The following RGS6 variants were observed in gnomAD, a reference collection of about 807,000 sequenced individuals.
RGS6 encodes regulator of G protein signaling 6, also known as regulator of G-protein signaling 6.
A neutral mutation model predicts 78.5 loss-of-function variants in RGS6; 30 were observed. That is an observed-to-expected ratio of 0.38 (90% CI 0.29 to 0.52). The LOEUF is 0.52. Among genes scored for constraint, RGS6 ranks in the 20% least tolerant of loss-of-function variants. The probability of loss-of-function intolerance (pLI) is 0.85; values close to 1 mark genes in which losing one functional copy is unlikely to be tolerated. For synonymous variants in RGS6, 206 were observed against 206.0 expected (o/e 1.00, Z 0.00); for missense variants, 495 against 609.7 (o/e 0.81, Z 1.98).
At chr14:72,435,312 T>A (rs781505742) in intron 3 of RGS6, among the ~76,000 whole-genome samples, 5 of 152,196 alleles carry the variant, frequency 3.3e-5, no homozygotes, top group Non-Finnish European at 7.4e-5. Context: ...GTAATAGCCC[T>A]GCAAAGCAAT....
In RGS6 at chr14:72,518,688, C is replaced by T. The variant is rs8009343; in HGVS notation, c.1278+151C>T. 0.15 allele frequency: 105,530 copies of T among 709,948 alleles called. 10,215 individuals are homozygous for T. Among genetic ancestry groups the T allele is most frequent in the African/African-American group, 0.37 (20,804 of 55,616 alleles). 44.0% of individuals were successfully genotyped at this position (709,948 alleles called of 1,614,324 possible). A position where few individuals can be genotyped will look rare whatever the true frequency, so the allele number is the denominator to read the frequency against. On this transcript the variant is annotated intron_variant, in intron 15 of 17. Coordinates refer to ENST00000553525, the MANE Select transcript of RGS6 (RefSeq NM_001204424.2). ...ATCAGTGGAAACCATTTCAGATAGG[C>T]GCACAGCAAAATCCCAGGATCGTTT...
intron 2 of RGS6, among the ~76,000 whole-genome samples, chr14:72,122,568 A>G (rs2096075590): frequency 6.6e-6 from 1 of 152,036 alleles, no homozygotes; most frequent in Non-Finnish European, 1.5e-5. Flanking sequence ...TAATGTTCCC[A>G]TCTCTCCCTA....
At chr14:72,393,842 T>C (rs1375411068) in intron 3 of RGS6, among the ~76,000 whole-genome samples, 1 of 152,188 alleles carries the variant, frequency 6.6e-6, no homozygotes, top group Non-Finnish European at 1.5e-5. Context: ...CATTGTTCAG[T>C]GGAATGCATT....
At chr14:72,263,978 A>G (rs939997357) in intron 2 of RGS6, among the ~76,000 whole-genome samples, 1 of 152,192 alleles carries the variant, frequency 6.6e-6, no homozygotes, top group Non-Finnish European at 1.5e-5. Flanking sequence ...TCGTATACAC[A>G]CTGTTTACTG....
At chr14:71,895,121 A>G in the RGS6 span, among the ~76,000 whole-genome samples, 1 of 152,080 alleles carries the variant, frequency 6.6e-6, no homozygotes. Context: ...ACTAACTTAG[A>G]TATTTCTTAA....
intron 2 of RGS6, among the ~76,000 whole-genome samples, chr14:71,983,372 ATC>A (rs1371226685): frequency 1.3e-5 from 2 of 152,250 alleles, no homozygotes; most frequent in Non-Finnish European, 2.9e-5. Flanking sequence ...AGTAACTTGT[ATC>A]TGTCAGTATG....
At chr14:71,868,017 A>C in the RGS6 span, among the ~76,000 whole-genome samples, 2 of 152,230 alleles carry the variant, frequency 1.3e-5, no homozygotes, top group Admixed American at 6.5e-5. Flanking sequence ...ATCCATATCC[A>C]GATGAGAGAA....
chr14:71,999,552 G>A (rs953922476), intron 2 of RGS6, among the ~76,000 whole-genome samples: 9 of 152,288 alleles, frequency 5.9e-5, no homozygotes, highest in East Asian at 5.8e-4. Flanking sequence ...CTCAAATCTC[G>A]TGTCAAATCA....
the RGS6 span, among the ~76,000 whole-genome samples, chr14:71,897,665 C>T: frequency 1.7e-4 from 25 of 149,534 alleles, no homozygotes; most frequent in African/African-American, 4.3e-4. Context: ...GGATTACAGG[C>T]GCCCACCACC....
chr14:71,935,547 G>T (rs768983804), intron 1 of RGS6, among the ~76,000 whole-genome samples: 6 of 152,136 alleles, frequency 3.9e-5, no homozygotes, highest in Admixed American at 2.0e-4. Flanking sequence ...TTTTCAAAAA[G>T]AGTAGGTTCT....
chr14:72,508,405 A>C (rs377413447), intron 13 of RGS6, among the ~76,000 whole-genome samples: 1 of 152,160 alleles, frequency 6.6e-6, no homozygotes, highest in Non-Finnish European at 1.5e-5. Context: ...CATCAGTCAC[A>C]CTAGCCAGTT....
intron 2 of RGS6, among the ~76,000 whole-genome samples, chr14:72,218,194 G>A (rs1390076045): frequency 1.3e-5 from 2 of 152,160 alleles, no homozygotes; most frequent in Non-Finnish European, 2.9e-5. Flanking sequence ...GATGATAGAT[G>A]AGCAGAAATG....
Position 72,522,269 on chromosome 14 carries a change from C to T in RGS6, c.1278+3732C>T, listed in dbSNP as rs186864999. On this transcript the variant is annotated intron_variant, in intron 15 of 17. Coordinates refer to ENST00000553525, the MANE Select transcript of RGS6 (RefSeq NM_001204424.2). The stretch of plus-strand genomic sequence containing the variant: ...CCTCTTCTTATAAGAACACTAATCC[C>T]GTCATAAGGGCCTCTCTCATGACCT... Among the ~76,000 whole-genome samples, 96 of 152,264 alleles carry T rather than the reference C, an allele frequency of 6.3e-4. 1 individual carries two copies. Among genetic ancestry groups the T allele is most frequent in the African/African-American group, 2.3e-3 (94 of 41,546 alleles).
chr14:71,902,918 G>A, the RGS6 span, among the ~76,000 whole-genome samples: 1 of 152,226 alleles, frequency 6.6e-6, no homozygotes, highest in African/African-American at 2.4e-5. Context: ...CACAGGGCAG[G>A]TGATGTGTCC....
chr14:72,161,022 A>G (rs2096844988), intron 2 of RGS6, among the ~76,000 whole-genome samples: 1 of 152,256 alleles, frequency 6.6e-6, no homozygotes, highest in Admixed American at 6.5e-5. Context: ...CTGGATAAAG[A>G]AAATGTGGCA....
intron 2 of RGS6, among the ~76,000 whole-genome samples, chr14:72,312,830 C>T (rs988116248): frequency 5.3e-5 from 8 of 152,172 alleles, no homozygotes; most frequent in African/African-American, 1.9e-4. Flanking sequence ...CATCAAATCC[C>T]TTCCATAACC....
intron 2 of RGS6, among the ~76,000 whole-genome samples, chr14:72,191,671 T>C (rs1371282895): frequency 1.3e-5 from 2 of 152,198 alleles, no homozygotes; most frequent in Admixed American, 6.5e-5. Context: ...ATTAAATTAC[T>C]TCCCACTGGT....
chr14:71,973,869 G>A (rs2093957634), intron 2 of RGS6, among the ~76,000 whole-genome samples: 1 of 152,140 alleles, frequency 6.6e-6, no homozygotes, highest in East Asian at 1.9e-4. Context: ...ATCTTGGTTG[G>A]CAGGAGACAG....
intron 2 of RGS6, among the ~76,000 whole-genome samples, chr14:72,278,705 G>A (rs957020629): frequency 6.6e-6 from 1 of 152,206 alleles, no homozygotes; most frequent in Non-Finnish European, 1.5e-5. Flanking sequence ...TCTTCATTAA[G>A]CCATTGTCTG....
Sources: allele counts gnomAD v4.1 joint callset (sites outside exome capture counted in the v4.1 genomes callset), GRCh38; gene constraint gnomAD v4.1.1; transcripts MANE v1.5; gene names NCBI Gene and HGNC (gene_info 2026-07-23, HGNC 2026-07-21).